The following ARNT2 variants were observed in gnomAD, a reference collection of about 807,000 sequenced individuals.
The protein encoded by ARNT2 is aryl hydrocarbon receptor nuclear translocator 2, also known as ARNT protein 2.
Under a neutral mutation model 91.7 loss-of-function variants are expected in ARNT2, and 36 were observed. The observed-to-expected ratio is 0.39, with a 90% CI of 0.30 to 0.52. ARNT2 has a LOEUF of 0.52. ARNT2 is among the 20% of genes least tolerant of loss of function. The pLI, the probability that ARNT2 is intolerant of heterozygous loss-of-function variation, is 0.72. For missense variants in ARNT2, 775 were observed against 939.3 expected, an observed-to-expected ratio of 0.83 and a Z score of 2.29; for synonymous variants, 365 against 347.1, an observed-to-expected ratio of 1.05 and a Z score of -0.57.
rs550189163 is a variant in ARNT2, at chr15:80,455,503, G to A, written c.147-2426G>A. ...TTGAGCCACAGCTGACCTGGCCAGC[G>A]TGGTATTATTTACCATGGGGCTCAC... On this transcript the variant is annotated intron_variant, in intron 2 of 18. Coordinates refer to ENST00000303329, the MANE Select transcript of ARNT2 (RefSeq NM_014862.4). 5.9e-5 allele frequency among the ~76,000 whole-genome samples: 9 copies of A among 152,180 alleles called. No homozygotes were observed. In the South Asian group the frequency reaches 8.3e-4, roughly 14 times the overall value.
At chr15:80,587,653 C>T (rs1893198340) in intron 17 of ARNT2, among the ~76,000 whole-genome samples, 1 of 152,238 alleles carries the variant, frequency 6.6e-6, no homozygotes, top group Non-Finnish European at 1.5e-5. Context: ...AGATTCTGAC[C>T]CGTGGTCTGA....
At chr15:80,575,238 A>G in intron 14 of ARNT2, 128 bp downstream of exon 14, 5 of 1,255,858 alleles carry the variant, frequency 4.0e-6, no homozygotes, top group Non-Finnish European at 4.5e-6. Context: ...ATTGCAGGGT[A>G]TAAAAATACA....
chr15:80,517,121 T>C (rs1897449179), intron 8 of ARNT2, among the ~76,000 whole-genome samples: 1 of 152,050 alleles, frequency 6.6e-6, no homozygotes, highest in Admixed American at 6.5e-5. Context: ...TTAGTATTTC[T>C]TACAGGGCAG....
intron 17 of ARNT2, among the ~76,000 whole-genome samples, chr15:80,589,425 G>A (rs1438646791): frequency 6.6e-6 from 1 of 152,114 alleles, no homozygotes; most frequent in East Asian, 1.9e-4. Flanking sequence ...AAGGGCTGAG[G>A]GCATTGATTT....
chr15:80,494,562 C>T (rs1897099523), intron 5 of ARNT2, among the ~76,000 whole-genome samples: 1 of 152,154 alleles, frequency 6.6e-6, no homozygotes, highest in Admixed American at 6.5e-5. Flanking sequence ...CTTTTGTCTA[C>T]AGATTAAATA....
At chr15:80,435,371 C>T (rs886497073) in intron 1 of ARNT2, among the ~76,000 whole-genome samples, 1 of 152,148 alleles carries the variant, frequency 6.6e-6, no homozygotes, top group Admixed American at 6.5e-5. Context: ...TAGTAACTTC[C>T]TCCTGAGAAG....
chr15:80,481,179 T>G (rs749223072), intron 5 of ARNT2, among the ~76,000 whole-genome samples: 4 of 152,220 alleles, frequency 2.6e-5, no homozygotes, highest in Non-Finnish European at 5.9e-5. Context: ...AATCCAGAGA[T>G]ATTTTCAGCC....
rs1383826038 is a variant in ARNT2, at chr15:80,580,452, C to A, written c.1655C>A (p.Ser552Tyr). ...VHVPGVNDIQ[S>Y]SSSTGQNMSQ... is the part of the protein sequence containing the mutation. The stretch of plus-strand genomic sequence containing the variant: ...GTGCCTGGAGTGAATGATATTCAGT[C>A]CTCTTCTTCCACGGGCCAGAACATG... Residue 552 changes from serine to tyrosine, a missense_variant, in exon 16 of 19, where the codon TCC becomes TAC. Transcript: ENST00000303329. 6.2e-7 allele frequency: 1 copy of A among 1,613,980 alleles called. No individual in the cohort carries two copies. Among genetic ancestry groups the A allele is most frequent in the Non-Finnish European group, 8.5e-7 (1 of 1,180,028 alleles).
intron 11 of ARNT2, among the ~76,000 whole-genome samples, chr15:80,558,505 A>G (rs1429691449): frequency 1.3e-5 from 2 of 151,452 alleles, no homozygotes; most frequent in African/African-American, 4.9e-5. Flanking sequence ...ACGGCTGGCT[A>G]ATTTTTGTAT....
chr15:80,556,476 A>G (rs1252172031), intron 11 of ARNT2: 1 of 152,524 alleles, frequency 6.6e-6, no homozygotes, highest in African/African-American at 2.4e-5. Context: ...TGGCCAGAAT[A>G]TGGGCAGGAG....
In ARNT2 at chr15:80,591,762, T is replaced by A. The variant is rs1596029034; in HGVS notation, c.2055+58T>A. 1.0e-5 allele frequency: 16 copies of A among 1,602,022 alleles called. No homozygotes were observed. Among genetic ancestry groups the A allele is most frequent in the Admixed American group, 1.7e-5 (1 of 59,514 alleles). ...ACCGGCGCCTTCTCTCTGCTTCCTT[T>A]CCCCCTCGGTCTCTGCCGCACCACC... On this transcript the variant is annotated intron_variant, in intron 18 of 18. Coordinates refer to ENST00000303329, the MANE Select transcript of ARNT2 (RefSeq NM_014862.4). This position sits in a 1 kb window ranked among gnomAD's most constrained non-coding sequence, Gnocchi z 5.1.
At chr15:80,522,760 C>CATATATATATATATATATATATAT (rs60138286) in intron 8 of ARNT2, among the ~76,000 whole-genome samples, 12 of 144,534 alleles carry the variant, frequency 8.3e-5, no homozygotes, top group African/African-American at 2.8e-4. Context: ...TGTACATACA[C>CATATATATATATATATATATATAT]ATATATATAT....
At chr15:80,442,475 A>G (rs1424884050) in intron 1 of ARNT2, among the ~76,000 whole-genome samples, 2 of 152,222 alleles carry the variant, frequency 1.3e-5, no homozygotes, top group African/African-American at 4.8e-5. Flanking sequence ...ATCTCTGACC[A>G]TCGTTCAGCT....
chr15:80,497,918 G>A (rs75937000), intron 5 of ARNT2, among the ~76,000 whole-genome samples: 2,486 of 152,304 alleles, frequency 0.016, 63 homozygotes, highest in African/African-American at 0.055. Flanking sequence ...AATACACTTC[G>A]TGTTGTGATT....
rs564842287 is a variant in ARNT2 at position 80,478,240 on chromosome 15, T to C, written c.622+3017T>C. 2.0e-5 allele frequency among the ~76,000 whole-genome samples: 3 copies of C among 152,358 alleles called. No individual in the cohort carries two copies. In the South Asian group the frequency reaches 6.2e-4, roughly 32 times the overall value. ...GACTTCTATATGTGACCACAGGATG[T>C]GGCTTTTGGAAACCCAGTCTGGAGA... On this transcript the variant is annotated intron_variant, in intron 5 of 18. Transcript: ENST00000303329.
chr15:80,411,588 A>T (rs1425250812), intron 1 of ARNT2, among the ~76,000 whole-genome samples: 1 of 152,250 alleles, frequency 6.6e-6, no homozygotes, highest in East Asian at 1.9e-4. Context: ...GTTCCTCTAG[A>T]CTTTCTAATA....
At chr15:80,549,970 A>G (rs1305326867) in intron 8 of ARNT2, among the ~76,000 whole-genome samples, 1 of 152,248 alleles carries the variant, frequency 6.6e-6, no homozygotes, top group Non-Finnish European at 1.5e-5. Flanking sequence ...TTAGTGGTTG[A>G]ATAAATCATG....
chr15:80,477,835 T>A (rs1294398120), intron 5 of ARNT2, among the ~76,000 whole-genome samples: 1 of 152,184 alleles, frequency 6.6e-6, no homozygotes, highest in Non-Finnish European at 1.5e-5. Context: ...ACACTTATGA[T>A]AAGAGTGAGT....
chr15:80,442,194 T>C (rs1429791528), intron 1 of ARNT2, among the ~76,000 whole-genome samples: 1 of 152,176 alleles, frequency 6.6e-6, no homozygotes, highest in African/African-American at 2.4e-5. Context: ...ATGACTCTGC[T>C]CAGAAATTCT....
Sources: gnomAD v4.1 joint callset for allele counts (sites outside exome capture counted in the v4.1 genomes callset) on GRCh38, gnomAD v4.1.1 for gene constraint, Gnocchi (gnomAD v3.1) non-coding constraint, MANE v1.5 for transcripts, NCBI Gene and HGNC (gene_info 2026-07-23, HGNC 2026-07-21) for gene names.